The following F13A1 variants were observed in gnomAD, a reference collection of about 807,000 sequenced individuals.
F13A1 encodes the protein coagulation factor XIII A chain, also known as FSF, A subunit.
F13A1 carries 47 observed loss-of-function variants against 80.1 expected under a neutral mutation model. The ratio of observed to expected loss-of-function variants is 0.59; its 90% confidence interval spans 0.46 to 0.75. The LOEUF is 0.75. F13A1 is among the 30% of genes least tolerant of loss of function. The pLI is 0.00. For missense variants in F13A1, 817 were observed against 930.4 expected (o/e 0.88, Z 1.59); for synonymous variants, 349 against 344.9 (o/e 1.01, Z -0.13).
At chr6:6,297,271 T>C (rs1758344511) in intron 3 of F13A1, among the ~76,000 whole-genome samples, 1 of 152,116 alleles carries the variant, frequency 6.6e-6, no homozygotes, top group Admixed American at 6.5e-5. Flanking sequence ...TGAAATGACT[T>C]AGGGAGGATT....
intron 7 of F13A1, 24 bp from the exon 8 acceptor site, chr6:6,222,195 C>G: frequency 6.2e-7 from 1 of 1,613,738 alleles, no homozygotes; most frequent in South Asian, 1.1e-5. Context: ...CAGACCACAG[C>G]TAAACACATC....
chr6:6,192,835 T>G (rs1761226081), intron 10 of F13A1, among the ~76,000 whole-genome samples: 1 of 152,090 alleles, frequency 6.6e-6, no homozygotes, highest in South Asian at 2.1e-4. Context: ...TGAGTGAGTT[T>G]GGGGTGGAGT....
chr6:6,244,068 A>C (rs1757522998), intron 6 of F13A1, among the ~76,000 whole-genome samples: 1 of 152,152 alleles, frequency 6.6e-6, no homozygotes, highest in Non-Finnish European at 1.5e-5. Context: ...CCTTGTCACA[A>C]TATGTCACGG....
chr6:6,147,949 C>T (rs767726996), intron 14 of F13A1, among the ~76,000 whole-genome samples: 3 of 152,084 alleles, frequency 2.0e-5, no homozygotes, highest in Admixed American at 6.6e-5. Flanking sequence ...CAGGAGATAC[C>T]GGCCATTTAT....
At chr6:6,167,042 C>T (rs138364296) in intron 13 of F13A1, among the ~76,000 whole-genome samples, 42 of 152,260 alleles carry the variant, frequency 2.8e-4, no homozygotes, top group African/African-American at 9.9e-4. Flanking sequence ...ACAATTATAC[C>T]TCCATAAACA....
At chr6:6,287,601 G>T (rs1005151219) in intron 3 of F13A1, among the ~76,000 whole-genome samples, 2 of 152,048 alleles carry the variant, frequency 1.3e-5, no homozygotes, top group Non-Finnish European at 2.9e-5. Flanking sequence ...CACCCTTAAT[G>T]TGACAAAGAC....
intron 6 of F13A1, among the ~76,000 whole-genome samples, chr6:6,232,088 G>T (rs1214843097): frequency 2.0e-5 from 3 of 152,100 alleles, no homozygotes; most frequent in Non-Finnish European, 2.9e-5. Context: ...GAATGTAATG[G>T]TACCTCACAT....
At chr6:6,154,162 C>T (rs1004910066) in intron 13 of F13A1, among the ~76,000 whole-genome samples, 1 of 136,096 alleles carries the variant, frequency 7.3e-6, no homozygotes, top group African/African-American at 2.7e-5. Context: ...AAAAAAAAAA[C>T]GGCAGTCAGA....
intron 3 of F13A1, among the ~76,000 whole-genome samples, chr6:6,276,468 T>G (rs1211198348): frequency 6.6e-6 from 1 of 152,224 alleles, no homozygotes; most frequent in Admixed American, 6.5e-5. Flanking sequence ...TCTTAGTCAT[T>G]CACTCGCTTG....
At chr6:6,179,831 G>A (rs961583842) in intron 11 of F13A1, among the ~76,000 whole-genome samples, 1 of 152,132 alleles carries the variant, frequency 6.6e-6, no homozygotes, top group Non-Finnish European at 1.5e-5. Context: ...CTAGAGGCCT[G>A]GACCTCAGAT....
intron 4 of F13A1, among the ~76,000 whole-genome samples, chr6:6,259,801 T>C (rs543570869): frequency 6.6e-6 from 1 of 152,274 alleles, no homozygotes; most frequent in South Asian, 2.1e-4. Context: ...GAGAATGGAA[T>C]GGGGGAACAA....
chr6:6,302,311 G>T (rs920258289), intron 3 of F13A1, among the ~76,000 whole-genome samples: 1 of 152,122 alleles, frequency 6.6e-6, no homozygotes, highest in African/African-American at 2.4e-5. Context: ...ATGTTGTTAG[G>T]CAGGTGATTT....
At position 6,222,161 on chromosome 6, in the gene F13A1, G is replaced by T. The variant is rs202247810; in HGVS notation, c.984C>A (p.Cys328Ter). The T allele has an allele frequency of 1.9e-6, 3 of 1,613,938 alleles. No homozygotes were observed. The highest frequency in any genetic ancestry group is 1.1e-5 in the South Asian group (1 of 91,072). The stretch of plus-strand genomic sequence containing the variant: ...TAACAATTCTTGCTGGTATTCCAAG[G>T]CATCGTAAAACTACAGGAAAGGACA... ...FAGVFNTFLR[C>*]LGIPARIVTN... Residue 328 changes from cysteine (C) to a stop codon, truncating the protein, a stop_gained, in exon 8 of 15, where the codon TGC becomes TGA. Transcript: ENST00000264870. LOFTEE classifies it high-confidence loss of function.
At chr6:6,281,839 A>G (rs1277463026) in intron 3 of F13A1, among the ~76,000 whole-genome samples, 3 of 151,916 alleles carry the variant, frequency 2.0e-5, no homozygotes, top group African/African-American at 7.3e-5. Context: ...TAAAAATACA[A>G]TAAATTAGCC....
At chr6:6,232,228 A>T (rs528121688) in intron 6 of F13A1, among the ~76,000 whole-genome samples, 52 of 152,316 alleles carry the variant, frequency 3.4e-4, no homozygotes, top group African/African-American at 1.3e-3. Context: ...ATAAGGACTC[A>T]CATAAACTTA....
At chr6:6,212,426 C>T (rs1048711029) in intron 8 of F13A1, among the ~76,000 whole-genome samples, 3 of 152,212 alleles carry the variant, frequency 2.0e-5, no homozygotes, top group Admixed American at 1.3e-4. Flanking sequence ...CACACTGACA[C>T]CTCACACGGC....
intron 6 of F13A1, among the ~76,000 whole-genome samples, chr6:6,239,003 T>A (rs1757451181): frequency 6.6e-6 from 1 of 152,130 alleles, no homozygotes; most frequent in Non-Finnish European, 1.5e-5. Context: ...TCTCTTTAGC[T>A]ATTTACTCCA....
At chr6:6,251,363 C>T (rs753346220) in intron 4 of F13A1, among the ~76,000 whole-genome samples, 1 of 149,380 alleles carries the variant, frequency 6.7e-6, no homozygotes, top group Non-Finnish European at 1.5e-5. Context: ...AAATCTGGGA[C>T]ACGTGAGAAG....
chr6:6,182,311 G>A (rs1291200660), intron 10 of F13A1, among the ~76,000 whole-genome samples, 170 bp from the exon 11 acceptor site: 1 of 152,140 alleles, frequency 6.6e-6, no homozygotes, highest in Non-Finnish European at 1.5e-5. Flanking sequence ...ATATTCTAAA[G>A]GCGAATCTAG....
Sources: allele counts gnomAD v4.1 joint callset (sites outside exome capture counted in the v4.1 genomes callset), GRCh38; gene constraint gnomAD v4.1.1; transcripts MANE v1.5; gene names NCBI Gene and HGNC (gene_info 2026-07-23, HGNC 2026-07-21).